COIL: variants seen among roughly 807,000 people sequenced by gnomAD.
COIL encodes coilin, also known as coilin p80.
COIL carries 28 observed loss-of-function variants against 51.6 expected under a neutral mutation model. That is an observed-to-expected ratio of 0.54 (90% CI 0.40 to 0.74). COIL has a LOEUF of 0.74. COIL is among the 30% of genes least tolerant of loss of function. COIL has a pLI of 0.00. For synonymous variants in COIL, 233 were observed against 255.8 expected (o/e 0.91, Z 0.85); for missense variants, 667 against 685.9 (o/e 0.97, Z 0.31).
chr17:56,950,751 C>A lies in COIL; in HGVS notation c.491G>T (p.Arg164Ile). 3 of 1,613,692 alleles carry A rather than the reference C, an allele frequency of 1.9e-6. No individual in the cohort carries two copies. Among genetic ancestry groups the A allele is most frequent in the Non-Finnish European group, 1.7e-6 (2 of 1,179,962 alleles). ...TGTGCCACAGGTTGCTTTATTTTTT[C>A]TCTTGTTTTTTTTGCTGACAGTCTG... ...TDQTVSKKNK[R>I]KNKATCGTVG... Residue 164 changes from arginine to isoleucine, a missense_variant, in exon 2 of 7, where the codon AGA becomes ATA. Physicochemically the swap from Arg to Ile is moderately conservative, Grantham distance 97. Transcript: ENST00000240316.
At chr17:56,956,994 G>C (rs74739752) in intron 1 of COIL, among the ~76,000 whole-genome samples, 1 of 152,132 alleles carries the variant, frequency 6.6e-6, no homozygotes, top group African/African-American at 2.4e-5. Flanking sequence ...CTCAGGCCGG[G>C]GGCAGTGGCT....
chr17:56,952,561 C>T (rs1182695585), intron 1 of COIL, among the ~76,000 whole-genome samples: 4 of 152,290 alleles, frequency 2.6e-5, no homozygotes, highest in African/African-American at 7.2e-5. Flanking sequence ...ATCCAACCCA[C>T]TGAAGGCCTG....
At chr17:56,952,096 A>G (rs1295913692) in intron 1 of COIL, 4 of 384,176 alleles carry the variant, frequency 1.0e-5, no homozygotes, top group African/African-American at 6.4e-5. Flanking sequence ...GGCATGAGCC[A>G]TCGCACCCAG....
rs374971297 is a variant in COIL at position 56,961,043 on chromosome 17, C to T, written c.-24G>A. 2.3e-4 allele frequency: 361 copies of T among 1,601,016 alleles called. No individual in the cohort carries two copies. Among genetic ancestry groups the T allele is most frequent in the Non-Finnish European group, 2.9e-4 (335 of 1,174,182 alleles). On this transcript the variant is annotated 5_prime_UTR_variant, in exon 1 of 7. Transcript: ENST00000240316. ...ATCTTGCTTGGTGCTCAACGGAAGCCGAGAGATACCACGGGGCCACCGAGA... is the reference window on the plus strand; with the variant it reads ...ATCTTGCTTGGTGCTCAACGGAAGCTGAGAGATACCACGGGGCCACCGAGA...
intron 5 of COIL, among the ~76,000 whole-genome samples, chr17:56,944,052 C>T (rs770525260): frequency 2.7e-5 from 4 of 149,940 alleles, no homozygotes; most frequent in African/African-American, 7.4e-5. Flanking sequence ...TTTTTTTTTA[C>T]GACAGAGTCT....
intron 5 of COIL, among the ~76,000 whole-genome samples, chr17:56,945,297 C>G (rs1009046429): frequency 2.0e-5 from 3 of 151,978 alleles, no homozygotes; most frequent in African/African-American, 7.3e-5. Flanking sequence ...AAGATTGTGC[C>G]ACCACACTCC....
At chr17:56,946,607 T>C in intron 4 of COIL, 96 bp from the exon 5 acceptor site, 1 of 744,852 alleles carries the variant, frequency 1.3e-6, no homozygotes, top group Non-Finnish European at 2.2e-6. Context: ...GGTTAAAATG[T>C]TGAATTTTAT....
At chr17:56,945,269 C>A (rs1204386161) in intron 5 of COIL, among the ~76,000 whole-genome samples, 2 of 151,794 alleles carry the variant, frequency 1.3e-5, no homozygotes, top group Non-Finnish European at 2.9e-5. Flanking sequence ...ACCTGGGAGG[C>A]GGAGGCTGCA....
At chr17:56,949,320 G>A in intron 4 of COIL, 67 bp downstream of exon 4, 1 of 1,232,898 alleles carries the variant, frequency 8.1e-7, no homozygotes. Flanking sequence ...ATCCATACAA[G>A]TAGTATTAAA....
At position 56,955,978 on chromosome 17, in the gene COIL, C is replaced by T. The variant is rs188485205; in HGVS notation, c.245+4797G>A. On this transcript the variant is annotated intron_variant, in intron 1 of 6. Coordinates refer to ENST00000240316, the MANE Select transcript of COIL (RefSeq NM_004645.3). ...TGACATACATCACACACTTTATATACTGAGATAGCCCATGATAGGTAAAAA... is the reference window on the plus strand; with the variant it reads ...TGACATACATCACACACTTTATATATTGAGATAGCCCATGATAGGTAAAAA... Among the ~76,000 whole-genome samples the T allele has an allele frequency of 3.3e-5, 5 of 152,242 alleles. No individual in the cohort carries two copies. The East Asian group carries it at 9.6e-4, about 29-fold the overall frequency.
chr17:56,951,490 T>C (rs1456011419), intron 1 of COIL: 1 of 153,504 alleles, frequency 6.5e-6, no homozygotes, highest in Non-Finnish European at 1.4e-5. Flanking sequence ...AATAAGATTT[T>C]ACTCCTGTTT....
rs911404495 is a variant in COIL at position 56,949,539 on chromosome 17, G to A, written c.1441-105C>T. 30 of 1,420,700 alleles carry A rather than the reference G, an allele frequency of 2.1e-5. No individual in the cohort carries two copies. The Admixed American group carries it at 5.2e-4, about 25-fold the overall frequency. 88.0% of individuals were successfully genotyped at this position (1,420,700 alleles called of 1,614,324 possible). A position where few individuals can be genotyped will look rare whatever the true frequency, so the allele number is the denominator to read the frequency against. ...TTGGCGTGTCCACCCCGACCAGTCT[G>A]GGAGCCCTACCAGGAACCCGTAACA... is the stretch of plus-strand genomic sequence containing the variant. On this transcript the variant is annotated intron_variant, in intron 3 of 6. Transcript: ENST00000240316.
In COIL at chr17:56,946,494, G is replaced by A. The variant is rs377337427; in HGVS notation, c.1506C>T (p.Ser502=). ...VSDYKEGRIL[S]HNPETQQVDI... ...CTACTTGCTGGGTCTCTGGATTGTG[G>A]CTTAATATTCTTCCTTCCTTTCAAA... Residue 502 remains serine (S), a synonymous_variant, in exon 5 of 7, where the codon AGC becomes AGT. Coordinates refer to ENST00000240316, the MANE Select transcript of COIL (RefSeq NM_004645.3). 2 of 1,610,288 alleles carry A rather than the reference G, an allele frequency of 1.2e-6. No homozygotes were observed. The highest frequency in any genetic ancestry group is 1.7e-6 in the Non-Finnish European group (2 of 1,177,084).
chr17:56,950,580 C>A lies in COIL; in HGVS notation c.662G>T (p.Gly221Val). ...WANQRCSSPK[G>V]SARNSLVKAK... The stretch of plus-strand genomic sequence containing the variant: ...TTTAACAAGGCTGTTTCTAGCAGAA[C>A]CTTTTGGAGAACTACATCTCTGATT... Residue 221 changes from glycine to valine, a missense_variant, in exon 2 of 7, where the codon GGT becomes GTT. Coordinates refer to ENST00000240316, the MANE Select transcript of COIL (RefSeq NM_004645.3). 3 of 1,614,224 alleles carry A rather than the reference C, an allele frequency of 1.9e-6. No individual in the cohort carries two copies. Among genetic ancestry groups the A allele is most frequent in the Non-Finnish European group, 2.5e-6 (3 of 1,180,040 alleles).
At chr17:56,960,324 G>C (rs1331753790) in intron 1 of COIL, among the ~76,000 whole-genome samples, 2 of 150,162 alleles carry the variant, frequency 1.3e-5, no homozygotes, top group Admixed American at 6.7e-5. Context: ...AGGAGTTCGA[G>C]ACCACCTTGA....
chr17:56,939,432 A>T (rs1314602913), intron 6 of COIL, among the ~76,000 whole-genome samples: 1 of 151,794 alleles, frequency 6.6e-6, no homozygotes, highest in African/African-American at 2.4e-5. Flanking sequence ...CATCTCTATT[A>T]TTTTTTTTAA....
intron 6 of COIL, among the ~76,000 whole-genome samples, chr17:56,939,432 ATT>A (rs985218028): frequency 2.0e-5 from 3 of 151,794 alleles, no homozygotes; most frequent in Admixed American, 6.6e-5. Flanking sequence ...CATCTCTATT[ATT>A]TTTTTTAATT....
chr17:56,950,207 G>T lies in COIL; in HGVS notation c.1035C>A (p.Gly345=), dbSNP rs554272773. ...CTGGACGACCTCTTCCTGCAAAAAG[G>T]CCTACTGTCTTTAAGAAACCCGCAG... ...ECAAGFLKTV[G]LFAGRGRPGP... The change falls in exon 2 of 7, where the codon GGC becomes GGA. Residue 345 remains glycine, a synonymous_variant. Transcript: ENST00000240316. 2.4e-5 allele frequency: 38 copies of T among 1,614,146 alleles called. No homozygotes were observed. In the African/African-American group the frequency reaches 4.8e-4, roughly 20 times the overall value.
At position 56,938,880 on chromosome 17, in the gene COIL, A is replaced by C. The variant is rs1400812524; in HGVS notation, c.*191T>G. Reference sequence around the variant, plus strand: ...TAACTGAAATTAAACCTGACAAAAAAACCAAAGATCTACAAAACCGACACC... The same window carrying C: ...TAACTGAAATTAAACCTGACAAAAACACCAAAGATCTACAAAACCGACACC... On this transcript the variant is annotated 3_prime_UTR_variant, in exon 7 of 7. Transcript: ENST00000240316. 3 of 449,052 alleles carry C rather than the reference A, an allele frequency of 6.7e-6. No homozygotes were observed. Among genetic ancestry groups the C allele is most frequent in the African/African-American group, 2.0e-5 (1 of 49,154 alleles). 27.8% of individuals were successfully genotyped at this position (449,052 alleles called of 1,614,324 possible).
Sources: allele counts gnomAD v4.1 joint callset (sites outside exome capture counted in the v4.1 genomes callset), GRCh38; gene constraint gnomAD v4.1.1; transcripts MANE v1.5; gene names NCBI Gene and HGNC (gene_info 2026-07-23, HGNC 2026-07-21).